Variants in COBLL1 observed in about 807,000 individuals in gnomAD.
COBLL1 encodes the protein cordon-bleu protein-like 1.
Under a neutral mutation model 94.8 loss-of-function variants are expected in COBLL1, and 50 were observed. That is an observed-to-expected ratio of 0.53 (90% CI 0.42 to 0.67). COBLL1 has a LOEUF of 0.67. COBLL1 is among the 30% of genes least tolerant of loss of function. The pLI is 0.00. For missense variants in COBLL1, 1,362 were observed against 1,348.7 expected (o/e 1.01, Z -0.15); for synonymous variants, 448 against 473.8 (o/e 0.95, Z 0.71).
At chr2:164,835,979 T>C (rs1166407059) in intron 2 of COBLL1, among the ~76,000 whole-genome samples, 1 of 152,184 alleles carries the variant, frequency 6.6e-6, no homozygotes, top group Non-Finnish European at 1.5e-5. Context: ...CTTAATAACA[T>C]GAAGTTTGGC....
At chr2:164,666,227 A>G (rs931786842) in intron 1 of COBLL1, among the ~76,000 whole-genome samples, 2 of 152,230 alleles carry the variant, frequency 1.3e-5, no homozygotes. Flanking sequence ...TATAATAAAT[A>G]TTGCAATTAA....
At chr2:164,822,398 G>A (rs778360095) in intron 2 of COBLL1, among the ~76,000 whole-genome samples, 8 of 152,170 alleles carry the variant, frequency 5.3e-5, no homozygotes, top group Non-Finnish European at 1.2e-4. Flanking sequence ...GGAGCCCCAG[G>A]CAGGGAAGGG....
intron 1 of COBLL1, among the ~76,000 whole-genome samples, chr2:164,667,080 A>C (rs1422665697): frequency 6.6e-6 from 1 of 152,052 alleles, no homozygotes; most frequent in Non-Finnish European, 1.5e-5. Flanking sequence ...CTTAAATAAT[A>C]AGATATTTAT....
intron 2 of COBLL1, among the ~76,000 whole-genome samples, chr2:164,777,206 C>A (rs355881): frequency 6.6e-6 from 1 of 151,430 alleles, no homozygotes; most frequent in Non-Finnish European, 1.5e-5. Context: ...TTTTCAAAAT[C>A]TCTTTTCAGT....
chr2:164,713,573 G>A (rs1685016525), intron 7 of COBLL1, among the ~76,000 whole-genome samples: 1 of 152,086 alleles, frequency 6.6e-6, no homozygotes, highest in African/African-American at 2.4e-5. Context: ...GGCCAAGCTT[G>A]CCACTAGATT....
chr2:164,822,523 G>C (rs748406672), intron 2 of COBLL1, among the ~76,000 whole-genome samples: 12 of 152,058 alleles, frequency 7.9e-5, no homozygotes, highest in Non-Finnish European at 1.8e-4. Context: ...TGCCCCTGAC[G>C]AAGGTAGTAT....
chr2:164,690,106 G>A (rs1363803488), intron 13 of COBLL1, among the ~76,000 whole-genome samples: 2 of 151,936 alleles, frequency 1.3e-5, no homozygotes, highest in Admixed American at 6.6e-5. Flanking sequence ...ATATTTATTT[G>A]GAGTTTTTAC....
chr2:164,743,011 C>T (rs1300308921), intron 3 of COBLL1, among the ~76,000 whole-genome samples: 3 of 152,120 alleles, frequency 2.0e-5, no homozygotes, highest in African/African-American at 7.2e-5. Context: ...TGGAAAATTA[C>T]ACTTGGCTTT....
chr2:164,791,605 C>A (rs565789530), intron 2 of COBLL1, among the ~76,000 whole-genome samples: 1 of 152,124 alleles, frequency 6.6e-6, no homozygotes, highest in Non-Finnish European at 1.5e-5. Context: ...ATTACAGAGG[C>A]GAAAATCCTA....
intron 2 of COBLL1, among the ~76,000 whole-genome samples, chr2:164,801,471 C>CT (rs1683798803): frequency 1.1e-5 from 1 of 91,064 alleles, no homozygotes; most frequent in African/African-American, 5.0e-5. Context: ...AAAAAAAAAG[C>CT]TTAGCTAAGT....
At chr2:164,806,280 T>C (rs1213037160) in intron 2 of COBLL1, among the ~76,000 whole-genome samples, 2 of 152,210 alleles carry the variant, frequency 1.3e-5, no homozygotes, top group Non-Finnish European at 2.9e-5. Flanking sequence ...TGATACCTAG[T>C]TCTGCCACGT....
intron 2 of COBLL1, among the ~76,000 whole-genome samples, chr2:164,805,395 A>G (rs1245219286): frequency 4.7e-5 from 6 of 128,308 alleles, no homozygotes; most frequent in African/African-American, 1.8e-4. Flanking sequence ...ATTAGGGTTC[A>G]CGCTTTTTTA....
intron 5 of COBLL1, 63 bp downstream of exon 5, chr2:164,727,906 A>AATACAT: frequency 8.7e-7 from 1 of 1,143,692 alleles, no homozygotes. Flanking sequence ...ACACAAACAC[A>AATACAT]ATGCACAAAC....
chr2:164,739,085 A>AC (rs1371534674), intron 3 of COBLL1, among the ~76,000 whole-genome samples: 1 of 152,070 alleles, frequency 6.6e-6, no homozygotes, highest in Non-Finnish European at 1.5e-5. Flanking sequence ...TAGCATGGCA[A>AC]CCCCCGCCCA....
intron 2 of COBLL1, among the ~76,000 whole-genome samples, chr2:164,775,233 A>AC (rs1688408175): frequency 6.6e-6 from 1 of 151,528 alleles, no homozygotes; most frequent in Non-Finnish European, 1.5e-5. Context: ...TCTGGCTACC[A>AC]CCCCCAACCC....
chr2:164,806,114 T>G (rs2105330493), intron 2 of COBLL1, among the ~76,000 whole-genome samples: 1 of 152,258 alleles, frequency 6.6e-6, no homozygotes, highest in African/African-American at 2.4e-5. Context: ...TTAGTTACTG[T>G]TAGGGGTCTT....
At chr2:164,730,682 A>G (rs886676147) in intron 3 of COBLL1, among the ~76,000 whole-genome samples, 1 of 152,182 alleles carries the variant, frequency 6.6e-6, no homozygotes, top group African/African-American at 2.4e-5. Flanking sequence ...TTGTTTCCAA[A>G]TTATAAATTT....
At chr2:164,816,098 G>C (rs1448575283) in intron 2 of COBLL1, among the ~76,000 whole-genome samples, 1 of 151,972 alleles carries the variant, frequency 6.6e-6, no homozygotes, top group African/African-American at 2.4e-5. Flanking sequence ...TACTCTGATA[G>C]AGTTAAAGTA....
chr2:164,836,567 A>C (rs529472998), intron 2 of COBLL1, among the ~76,000 whole-genome samples: 1 of 152,320 alleles, frequency 6.6e-6, no homozygotes, highest in East Asian at 1.9e-4. Flanking sequence ...CAATGTGTTA[A>C]TTAAGCTCTC....
Sources: gnomAD v4.1 joint callset for allele counts (sites outside exome capture counted in the v4.1 genomes callset) on GRCh38, gnomAD v4.1.1 for gene constraint, MANE v1.5 for transcripts, NCBI Gene and HGNC (gene_info 2026-07-23, HGNC 2026-07-21) for gene names.